The following KDM4C variants were observed in gnomAD, a reference collection of about 807,000 sequenced individuals.
KDM4C encodes lysine demethylase 4C.
A neutral mutation model predicts 129.3 loss-of-function variants in KDM4C; 81 were observed. That is an observed-to-expected ratio of 0.63 (90% CI 0.52 to 0.75). The LOEUF is 0.75. Ranked by LOEUF, KDM4C falls within the 30% of genes least tolerant of loss-of-function variation. The pLI is 0.00. For synonymous variants in KDM4C, 573 were observed against 456.1 expected (o/e 1.26, Z -3.26); for missense variants, 1,457 against 1,304.0 (o/e 1.12, Z -1.81).
At chr9:6,940,044 TCCCTCCTTCCC>T (rs1825648831) in intron 8 of KDM4C, among the ~76,000 whole-genome samples, 1 of 132,106 alleles carries the variant, frequency 7.6e-6, no homozygotes, top group Non-Finnish European at 1.7e-5. Context: ...TTTCCTTCCT[TCCCTCCTTCCC>T]TCCTTCCCTC....
At chr9:6,909,562 T>G (rs76319642) in intron 8 of KDM4C, among the ~76,000 whole-genome samples, 3,664 of 152,320 alleles carry the variant, frequency 0.024, 142 homozygotes, top group East Asian at 0.2. Context: ...AGATTTCTTG[T>G]ATTAAATGCT....
chr9:7,023,366 G>A (rs917788789), intron 15 of KDM4C, among the ~76,000 whole-genome samples: 1 of 152,032 alleles, frequency 6.6e-6, no homozygotes, highest in Non-Finnish European at 1.5e-5. Flanking sequence ...TTCAATCTTA[G>A]TAGGTTGAAT....
intron 8 of KDM4C, among the ~76,000 whole-genome samples, chr9:6,919,966 A>G (rs1821176788): frequency 6.6e-6 from 1 of 152,162 alleles, no homozygotes; most frequent in Non-Finnish European, 1.5e-5. Context: ...GTGGTCATTC[A>G]TTGTGGAATT....
chr9:6,805,548 T>C, intron 2 of KDM4C, 51 bp from the exon 3 acceptor site: 1 of 1,309,362 alleles, frequency 7.6e-7, no homozygotes, highest in Non-Finnish European at 1.0e-6. Context: ...AAAAGCTAAA[T>C]TACTTGGAGT....
chr9:7,128,747 T>C (rs1419753608), intron 19 of KDM4C, among the ~76,000 whole-genome samples: 2 of 152,104 alleles, frequency 1.3e-5, no homozygotes, highest in African/African-American at 2.4e-5. Flanking sequence ...AGTAGTTTCG[T>C]TACTGTGGCG....
At chr9:6,829,294 G>A (rs1834402027) in intron 4 of KDM4C, among the ~76,000 whole-genome samples, 1 of 152,226 alleles carries the variant, frequency 6.6e-6, no homozygotes, top group African/African-American at 2.4e-5. Flanking sequence ...GGTGAGCAAT[G>A]TGAGGGATGA....
At chr9:7,040,900 T>C (rs1045211520) in intron 15 of KDM4C, among the ~76,000 whole-genome samples, 1 of 152,002 alleles carries the variant, frequency 6.6e-6, no homozygotes, top group African/African-American at 2.4e-5. Context: ...TGCTGCAATT[T>C]TTTGATCTGT....
chr9:7,100,240 C>T lies in KDM4C; in HGVS notation c.2425-3445C>T, dbSNP rs572591961. Among the ~76,000 whole-genome samples the T allele has an allele frequency of 2.0e-5, 3 of 152,302 alleles. No individual in the cohort carries two copies. The East Asian group carries it at 5.8e-4, about 29-fold the overall frequency. On this transcript the variant is annotated intron_variant, in intron 17 of 21. Coordinates refer to ENST00000381309, the MANE Select transcript of KDM4C (RefSeq NM_015061.6). ...AACCCTGTCTCTAATATAAAATTTA[C>T]AAAGAATTGTCAGTGTCTCAGTAGG...
chr9:6,856,424 C>T (rs953410867), intron 5 of KDM4C, among the ~76,000 whole-genome samples: 1 of 152,052 alleles, frequency 6.6e-6, no homozygotes. Context: ...ATTGCTTTTT[C>T]TAGAGAAATT....
intron 5 of KDM4C, among the ~76,000 whole-genome samples, chr9:6,859,570 A>T (rs1291825847): frequency 6.7e-5 from 10 of 149,040 alleles, no homozygotes; most frequent in African/African-American, 2.5e-4. Flanking sequence ...CCCCATTTTA[A>T]AACTGAGGAC....
chr9:6,856,114 C>T (rs1381988787), intron 5 of KDM4C, among the ~76,000 whole-genome samples: 1 of 151,760 alleles, frequency 6.6e-6, no homozygotes, highest in Non-Finnish European at 1.5e-5. Flanking sequence ...TTGGTAGGTA[C>T]TCAGTAAACA....
intron 8 of KDM4C, among the ~76,000 whole-genome samples, chr9:6,950,077 G>GTT (rs34684815): frequency 0.11 from 14,399 of 131,170 alleles, 1,809 homozygotes; most frequent in African/African-American, 0.31. Flanking sequence ...ATCTTTTCTT[G>GTT]TTTTTTTTTT....
At chr9:7,167,683 T>C (rs1844533683) in intron 20 of KDM4C, among the ~76,000 whole-genome samples, 1 of 152,218 alleles carries the variant, frequency 6.6e-6, no homozygotes, top group Non-Finnish European at 1.5e-5. Context: ...TTCAATTGTA[T>C]GTTTGATCTT....
intron 1 of KDM4C, among the ~76,000 whole-genome samples, chr9:6,744,732 G>T (rs1181143052): frequency 1.3e-5 from 2 of 151,998 alleles, no homozygotes; most frequent in African/African-American, 4.8e-5. Flanking sequence ...TGTCTTTATT[G>T]TCCTTGTTGG....
intron 4 of KDM4C, among the ~76,000 whole-genome samples, chr9:6,831,260 A>T (rs1186794208): frequency 6.6e-6 from 1 of 152,164 alleles, no homozygotes; most frequent in Non-Finnish European, 1.5e-5. Context: ...TCTTTCATGT[A>T]AAAATTTGAG....
intron 17 of KDM4C, among the ~76,000 whole-genome samples, chr9:7,059,402 C>T (rs1831306898): frequency 6.6e-6 from 1 of 152,096 alleles, no homozygotes; most frequent in Non-Finnish European, 1.5e-5. Flanking sequence ...CGCGCCTAGC[C>T]CTCGAGAGTA....
chr9:6,805,799 C>T (rs759034599), intron 3 of KDM4C, 25 bp downstream of exon 3: 20 of 1,593,488 alleles, frequency 1.3e-5, no homozygotes, highest in Non-Finnish European at 1.7e-5. Flanking sequence ...TTTGCTATTT[C>T]TGTTTCCTTC....
At chr9:6,808,103 C>G (rs1172029042) in intron 3 of KDM4C, among the ~76,000 whole-genome samples, 1 of 53,458 alleles carries the variant, frequency 1.9e-5, no homozygotes, top group Non-Finnish European at 3.6e-5. Flanking sequence ...CCAGCCGCCC[C>G]GTCCGGGAGG....
intron 4 of KDM4C, among the ~76,000 whole-genome samples, chr9:6,842,787 C>CT (rs1458199607): frequency 6.6e-6 from 1 of 152,018 alleles, no homozygotes; most frequent in Non-Finnish European, 1.5e-5. Context: ...TACACATCAC[C>CT]CCCAATACCC....
Sources: allele counts gnomAD v4.1 joint callset (sites outside exome capture counted in the v4.1 genomes callset), GRCh38; gene constraint gnomAD v4.1.1; transcripts MANE v1.5; gene names NCBI Gene and HGNC (gene_info 2026-07-23, HGNC 2026-07-21).